PTPRD: variants seen among roughly 807,000 people sequenced by gnomAD.
The protein encoded by PTPRD is protein tyrosine phosphatase receptor type D.
In PTPRD, 34 loss-of-function variants were observed where a neutral mutation model predicts 214.5. The observed-to-expected ratio is 0.16, with a 90% confidence interval of 0.12 to 0.21. The LOEUF (loss-of-function observed/expected upper bound fraction) is 0.21. PTPRD is among the 10% of genes least tolerant of loss of function. The pLI is 1.00. For synonymous variants in PTPRD, 1,128 were observed against 845.7 expected, an observed-to-expected ratio of 1.33 and a Z score of -5.79; for missense variants, 2,545 against 2,398.7, an observed-to-expected ratio of 1.06 and a Z score of -1.27.
Position 8,492,994 on chromosome 9 carries a change from T to C in PTPRD, c.2350-15A>G, listed in dbSNP as rs374183498. On this transcript the variant is annotated splice_polypyrimidine_tract_variant and intron_variant, in intron 26 of 45. Coordinates refer to ENST00000381196, the MANE Select transcript of PTPRD (RefSeq NM_002839.4). ...ATGATCATGTCCTGAAATGACAAAATAGAATGTCACTGATTCAAAACATGC... is the reference window on the plus strand; with the variant it reads ...ATGATCATGTCCTGAAATGACAAAACAGAATGTCACTGATTCAAAACATGC... 3 of 1,593,086 alleles carry C rather than the reference T, an allele frequency of 1.9e-6. No homozygotes were observed. Among genetic ancestry groups the C allele is most frequent in the Admixed American group, 1.7e-5 (1 of 59,846 alleles).
intron 10 of PTPRD, among the ~76,000 whole-genome samples, chr9:9,176,348 T>C (rs1265116923): frequency 1.3e-5 from 2 of 152,212 alleles, no homozygotes; most frequent in Non-Finnish European, 2.9e-5. Flanking sequence ...CAGGAGGAGT[T>C]AGAAGTCAGT....
intron 5 of PTPRD, among the ~76,000 whole-genome samples, chr9:9,900,062 T>C (rs1191527265): frequency 6.6e-6 from 1 of 152,148 alleles, no homozygotes; most frequent in African/African-American, 2.4e-5. Context: ...ATATTCTGTG[T>C]TCATGGAGTG....
At chr9:10,300,964 T>G (rs2095845934) in intron 3 of PTPRD, among the ~76,000 whole-genome samples, 1 of 152,162 alleles carries the variant, frequency 6.6e-6, no homozygotes, top group African/African-American at 2.4e-5. Context: ...CCATGTATCC[T>G]GACTGGAAGA....
intron 2 of PTPRD, among the ~76,000 whole-genome samples, chr9:10,432,748 T>A (rs1403877046): frequency 1.3e-5 from 2 of 151,992 alleles, no homozygotes; most frequent in Admixed American, 1.3e-4. Context: ...TCTTCTGATC[T>A]TTCACTAGCC....
chr9:8,614,812 T>G lies in PTPRD; in HGVS notation c.352+18505A>C, dbSNP rs116000567. Among the ~76,000 whole-genome samples, 755 of 152,152 alleles carry G rather than the reference T, an allele frequency of 5.0e-3. 14 individuals carry two copies. Among genetic ancestry groups the G allele is most frequent in the African/African-American group, 0.017 (725 of 41,536 alleles). On this transcript the variant is annotated intron_variant, in intron 14 of 45. Coordinates refer to ENST00000381196, the MANE Select transcript of PTPRD (RefSeq NM_002839.4). ...CTGTTAGCCAAAGTCTACGACAGAG[T>G]TGGACAATTACTTAGCCCTGACTAG...
intron 2 of PTPRD, among the ~76,000 whole-genome samples, chr9:10,401,216 T>G (rs2098264161): frequency 6.6e-6 from 1 of 151,660 alleles, no homozygotes; most frequent in South Asian, 2.1e-4. Context: ...ACATCTTACT[T>G]TGCACTTGCA....
At chr9:8,458,577 C>T (rs1478056869) in intron 33 of PTPRD, among the ~76,000 whole-genome samples, 1 of 152,136 alleles carries the variant, frequency 6.6e-6, no homozygotes, top group Non-Finnish European at 1.5e-5. Context: ...AATTATACCA[C>T]TGCTTTTTAT....
At chr9:8,924,440 T>A (rs1054801524) in intron 11 of PTPRD, among the ~76,000 whole-genome samples, 1 of 152,198 alleles carries the variant, frequency 6.6e-6, no homozygotes, top group Admixed American at 6.5e-5. Context: ...AAATTCACTC[T>A]TAGGTGCTCT....
chr9:10,370,852 A>G (rs993623726), intron 2 of PTPRD, among the ~76,000 whole-genome samples: 2 of 152,016 alleles, frequency 1.3e-5, no homozygotes, highest in Non-Finnish European at 2.9e-5. Flanking sequence ...ATGCAGACAT[A>G]TAATGAGTTT....
intron 10 of PTPRD, among the ~76,000 whole-genome samples, chr9:9,148,582 C>A (rs2099872596): frequency 6.6e-6 from 1 of 151,950 alleles, no homozygotes; most frequent in Admixed American, 6.6e-5. Flanking sequence ...CTGCTTGGTC[C>A]CCATCAGAAC....
chr9:8,429,583 C>G (rs1360007869), intron 35 of PTPRD, among the ~76,000 whole-genome samples: 1 of 152,118 alleles, frequency 6.6e-6, no homozygotes, highest in Non-Finnish European at 1.5e-5. Context: ...GTTATAAAAA[C>G]AGAAGGACAG....
intron 7 of PTPRD, among the ~76,000 whole-genome samples, chr9:9,732,614 T>C (rs1037967171): frequency 1.3e-5 from 2 of 152,032 alleles, no homozygotes; most frequent in East Asian, 3.9e-4. Flanking sequence ...ACCTCTAGGA[T>C]TTGTTATGAT....
At chr9:9,687,334 G>C (rs1486092458) in intron 7 of PTPRD, among the ~76,000 whole-genome samples, 4 of 151,756 alleles carry the variant, frequency 2.6e-5, no homozygotes, top group African/African-American at 7.2e-5. Context: ...ATCTTGCTTA[G>C]ATGACAAGAT....
At chr9:9,018,197 G>A (rs1329577071) in intron 11 of PTPRD, among the ~76,000 whole-genome samples, 1 of 151,844 alleles carries the variant, frequency 6.6e-6, no homozygotes, top group South Asian at 2.1e-4. Flanking sequence ...TTCCACTATT[G>A]GGTGGTTGTT....
At chr9:10,533,061 T>C (rs908385748) in intron 2 of PTPRD, among the ~76,000 whole-genome samples, 2 of 152,066 alleles carry the variant, frequency 1.3e-5, no homozygotes, top group Non-Finnish European at 1.5e-5. Flanking sequence ...CTCCTGGGAA[T>C]GGATTAGCTA....
At position 9,107,141 on chromosome 9, in the gene PTPRD, G is replaced by A. The variant is rs118099277; in HGVS notation, c.-143+76163C>T. Among the ~76,000 whole-genome samples the A allele has an allele frequency of 1.4e-3, 216 of 152,244 alleles. 2 individuals carry two copies. Among genetic ancestry groups the A allele is most frequent in the Non-Finnish European group, 2.5e-3 (168 of 68,016 alleles). ...TCACATGAGGATATGAGTAATGGAA[G>A]TATTGTAGGAATAGAGTGTAAGAAT... On this transcript the variant is annotated intron_variant, in intron 10 of 45. Coordinates refer to ENST00000381196, the MANE Select transcript of PTPRD (RefSeq NM_002839.4).
chr9:8,850,326 CCACCTG>C (rs572515588), intron 11 of PTPRD, among the ~76,000 whole-genome samples: 1 of 151,968 alleles, frequency 6.6e-6, no homozygotes, highest in South Asian at 2.1e-4. Flanking sequence ...GTACAGATAG[CCACCTG>C]AAAGGGGATA....
intron 34 of PTPRD, among the ~76,000 whole-genome samples, chr9:8,438,035 G>A (rs2095419431): frequency 6.6e-6 from 1 of 152,158 alleles, no homozygotes; most frequent in African/African-American, 2.4e-5. Context: ...CCCCAGGGAA[G>A]CCACTGAAGC....
intron 7 of PTPRD, among the ~76,000 whole-genome samples, chr9:9,612,318 T>C (rs1450488775): frequency 6.6e-6 from 1 of 152,164 alleles, no homozygotes; most frequent in Non-Finnish European, 1.5e-5. Context: ...TGCTTACTGT[T>C]CACAGAAGCC....
Sources: gnomAD v4.1 joint callset for allele counts (sites outside exome capture counted in the v4.1 genomes callset) on GRCh38, gnomAD v4.1.1 for gene constraint, MANE v1.5 for transcripts, NCBI Gene and HGNC (gene_info 2026-07-23, HGNC 2026-07-21) for gene names.